Variants in F8 observed in about 807,000 individuals in gnomAD.
F8 encodes the protein antihemophilic factor.
Under a neutral mutation model 140.6 loss-of-function variants are expected in F8, and 12 were observed. The ratio of observed to expected loss-of-function variants is 0.09; its 90% CI spans 0.05 to 0.14. The LOEUF (loss-of-function observed/expected upper bound fraction) is 0.14, where lower values mean the gene tolerates loss of function less well. Ranked by LOEUF, F8 falls within the 10% of genes least tolerant of loss-of-function variation. The pLI, the probability that F8 is intolerant of heterozygous loss-of-function variation, is 1.00. For missense variants in F8, 1,354 were observed against 1,720.7 expected, an observed-to-expected ratio of 0.79 and a Z score of 3.77; for synonymous variants, 585 against 614.6, an observed-to-expected ratio of 0.95 and a Z score of 0.71.
intron 6 of F8, among the ~76,000 whole-genome samples, chrX:154,972,314 G>C (rs1324655730): frequency 2.7e-5 from 3 of 111,337 alleles, no homozygotes; most frequent in Non-Finnish European, 5.7e-5. Context: ...GCCATTTGTA[G>C]GTCTCTTTTG....
chrX:154,916,894 A>G (rs1288737815), intron 14 of F8, among the ~76,000 whole-genome samples: 2 of 108,348 alleles, frequency 1.8e-5, no homozygotes, highest in Non-Finnish European at 3.9e-5. Context: ...GGTTTATTTG[A>G]GTCTTTCTTT....
intron 1 of F8, among the ~76,000 whole-genome samples, chrX:155,010,071 G>C (rs1196862614): frequency 8.9e-6 from 1 of 112,109 alleles, no homozygotes; most frequent in East Asian, 2.8e-4. Flanking sequence ...CCTATTACAG[G>C]ACAATATCCA....
At chrX:154,926,428 T>C (rs1242309289) in intron 14 of F8, among the ~76,000 whole-genome samples, 1 of 112,090 alleles carries the variant, frequency 8.9e-6, no homozygotes, top group African/African-American at 3.2e-5. Flanking sequence ...CAGGCTGGAG[T>C]GCAGTGAGGC....
chrX:154,928,903 T>A lies in F8; in HGVS notation c.4887A>T (p.Ile1629=), dbSNP rs1359348564. ...SLNACESNHA[I]AAINEGQNKP... is the part of the protein sequence containing the mutation. The stretch of plus-strand genomic sequence containing the variant: ...TATTTTGTCCCTCATTTATTGCTGC[T>A]ATTGCATGATTGCTTTCACAAGCGT... Residue 1629 remains isoleucine, a synonymous_variant, in exon 14 of 26, where the codon ATA becomes ATT. Transcript: ENST00000360256. 9 of 1,210,046 alleles carry A rather than the reference T, an allele frequency of 7.4e-6. No homozygotes were observed. Among genetic ancestry groups the A allele is most frequent in the Admixed American group, 6.6e-5 (3 of 45,746 alleles).
intron 6 of F8, among the ~76,000 whole-genome samples, chrX:154,977,699 T>C (rs2073495102): frequency 9.0e-6 from 1 of 110,526 alleles, no homozygotes. Context: ...ATTTTTTTCT[T>C]TGACTTTTGA....
intron 14 of F8, among the ~76,000 whole-genome samples, chrX:154,909,982 G>T (rs2073056948): frequency 9.0e-6 from 1 of 111,607 alleles, no homozygotes; most frequent in Non-Finnish European, 1.9e-5. Context: ...ATTTTACTGT[G>T]GGGAAAAGAA....
chrX:154,876,435 T>C (rs781876482), intron 22 of F8, among the ~76,000 whole-genome samples: 1 of 111,724 alleles, frequency 9.0e-6, no homozygotes, highest in Non-Finnish European at 1.9e-5. Flanking sequence ...TTTAAAAAAT[T>C]ATTCTGCCAT....
rs781921815 is a variant in F8 at position 155,011,285 on chromosome X, CAAT to C, written c.143+11122_143+11124del. 7.1e-5 allele frequency among the ~76,000 whole-genome samples: 8 copies of C among 112,185 alleles called. No individual in the cohort carries two copies. In the South Asian group the frequency reaches 2.9e-3, roughly 41 times the overall value. ...TCTCCAAAGGAGATACACAAATGGT[CAAT>C]AAACACATGAAAAGACTCTCAACAA... On this transcript the variant is annotated intron_variant, in intron 1 of 25. Transcript: ENST00000360256.
At chrX:154,952,830 C>T (rs2073344914) in intron 12 of F8, among the ~76,000 whole-genome samples, 2 of 112,271 alleles carry the variant, frequency 1.8e-5, no homozygotes, top group South Asian at 7.4e-4. Context: ...GCGTGAGCCA[C>T]TGTGCCCGGC....
At chrX:155,015,534 A>C (rs1326353762) in intron 1 of F8, among the ~76,000 whole-genome samples, 1 of 112,458 alleles carries the variant, frequency 8.9e-6, no homozygotes, top group East Asian at 2.8e-4. Context: ...AAAACTGGCA[A>C]ACCATTATCC....
chrX:155,010,638 A>G (rs1258201443), intron 1 of F8, among the ~76,000 whole-genome samples: 2 of 111,407 alleles, frequency 1.8e-5, no homozygotes, highest in African/African-American at 6.5e-5. Context: ...CATTCAATTC[A>G]ATTTTATACT....
intron 18 of F8, among the ~76,000 whole-genome samples, chrX:154,903,180 G>T (rs1225134014): frequency 1.1e-4 from 11 of 102,831 alleles, no homozygotes. Context: ...AAACTGGATG[G>T]TTTTTTTTTT....
At chrX:154,996,562 G>T (rs1212474651) in intron 3 of F8, among the ~76,000 whole-genome samples, 1 of 111,880 alleles carries the variant, frequency 8.9e-6, no homozygotes, top group Non-Finnish European at 1.9e-5. Flanking sequence ...CAAGGAGGTG[G>T]GATACCCGTG....
At chrX:154,850,532 T>C (rs2072608234) in intron 25 of F8, among the ~76,000 whole-genome samples, 1 of 104,262 alleles carries the variant, frequency 9.6e-6, no homozygotes, top group African/African-American at 3.5e-5. Context: ...CAGGCTGGAG[T>C]GCAGTGGCAC....
At chrX:154,980,323 T>C (rs781938396) in intron 6 of F8, among the ~76,000 whole-genome samples, 3 of 112,201 alleles carry the variant, frequency 2.7e-5, no homozygotes, top group Non-Finnish European at 5.6e-5. Context: ...TTTTTTATTA[T>C]ACTTTTCAGT....
At chrX:154,955,845 C>T (rs1215398210) in intron 11 of F8, among the ~76,000 whole-genome samples, 2 of 111,752 alleles carry the variant, frequency 1.8e-5, no homozygotes, top group Non-Finnish European at 3.8e-5. Context: ...GCTGTGCATG[C>T]ATTGTCATTG....
chrX:154,981,027 C>T (rs1190974781), intron 6 of F8, among the ~76,000 whole-genome samples: 2 of 112,024 alleles, frequency 1.8e-5, no homozygotes, highest in Admixed American at 1.9e-4. Context: ...GCCCTGAGCC[C>T]AGGTTAGACG....
chrX:154,907,836 A>G (rs2073046058), intron 14 of F8, among the ~76,000 whole-genome samples: 1 of 111,381 alleles, frequency 9.0e-6, no homozygotes, highest in African/African-American at 3.3e-5. Context: ...AGCCTGTTAA[A>G]ATCTATTATA....
intron 22 of F8, among the ~76,000 whole-genome samples, chrX:154,879,537 T>C (rs1160021261): frequency 1.8e-5 from 2 of 112,565 alleles, no homozygotes; most frequent in African/African-American, 6.5e-5. Flanking sequence ...CGTGAGATAG[T>C]CAACACTTCA....
Sources: allele counts gnomAD v4.1 joint callset (sites outside exome capture counted in the v4.1 genomes callset), GRCh38; gene constraint gnomAD v4.1.1; transcripts MANE v1.5; gene names NCBI Gene and HGNC (gene_info 2026-07-23, HGNC 2026-07-21).